ZFYVE16: variants seen among roughly 807,000 people sequenced by gnomAD.
The protein encoded by ZFYVE16 is zinc finger FYVE domain-containing protein 16.
Under a neutral mutation model 138.1 loss-of-function variants are expected in ZFYVE16, and 89 were observed. The observed-to-expected ratio is 0.64, with a 90% CI of 0.54 to 0.77. The LOEUF (loss-of-function observed/expected upper bound fraction) is 0.77. ZFYVE16 is among the 30% of genes least tolerant of loss of function. The pLI is 0.00. For synonymous variants in ZFYVE16, 596 were observed against 618.3 expected, an observed-to-expected ratio of 0.96 and a Z score of 0.53; for missense variants, 1,793 against 1,786.7, an observed-to-expected ratio of 1.00 and a Z score of -0.06.
chr5:80,443,081 A>G (rs2112411966), intron 5 of ZFYVE16, 42 bp from the exon 6 acceptor site: 1 of 1,480,676 alleles, frequency 6.8e-7, no homozygotes, highest in Non-Finnish European at 8.9e-7. Context: ...GTAAATTCCA[A>G]AAACATCTGA....
intron 1 of ZFYVE16, among the ~76,000 whole-genome samples, chr5:80,423,261 T>A (rs1747506911): frequency 6.6e-6 from 1 of 152,170 alleles, no homozygotes; most frequent in South Asian, 2.1e-4. Context: ...GCCGTTTATA[T>A]CATTTGAGGA....
chr5:80,469,265 G>GCTATT, intron 15 of ZFYVE16, among the ~76,000 whole-genome samples: 1 of 151,828 alleles, frequency 6.6e-6, no homozygotes, highest in East Asian at 1.9e-4. Context: ...ACCACACCTG[G>GCTATT]CTATTTTTTT....
At position 80,438,132 on chromosome 5, in the gene ZFYVE16, G is replaced by A; in HGVS notation, c.1447G>A (p.Gly483Arg). 6.2e-7 allele frequency: 1 copy of A among 1,613,896 alleles called. No homozygotes were observed. Among genetic ancestry groups the A allele is most frequent in the Non-Finnish European group, 8.5e-7 (1 of 1,179,946 alleles). ...TTCTACAGTTGTAGAATCTCAAGAGGGGCTTTCTGGCACTCATGTCCCAGA... is the reference window on the plus strand; with the variant it reads ...TTCTACAGTTGTAGAATCTCAAGAGAGGCTTTCTGGCACTCATGTCCCAGA... ...TSSTVVESQE[G>R]LSGTHVPESS... The change falls in exon 4 of 19, where the codon GGG becomes AGG. Residue 483 changes from glycine (G) to arginine (R), a missense_variant. By Grantham distance (125) the Gly-to-Arg change is moderately radical (BLOSUM62 -2). This residue lies in a region of ZFYVE16 where 1,295 missense variants were observed against 1,204.3 expected (regional missense o/e 1.08). Transcript: ENST00000505560.
chr5:80,421,858 T>A (rs1747244404), intron 1 of ZFYVE16, among the ~76,000 whole-genome samples: 1 of 152,200 alleles, frequency 6.6e-6, no homozygotes, highest in African/African-American at 2.4e-5. Flanking sequence ...TTGATGGGGA[T>A]GGCATTGAAT....
chr5:80,470,064 CGTGT>C (rs369109701), intron 15 of ZFYVE16, among the ~76,000 whole-genome samples: 3,233 of 59,480 alleles, frequency 0.054, 133 homozygotes, highest in Non-Finnish European at 0.075. Flanking sequence ...TGTATATATA[CGTGT>C]GTGTGTGTGT....
chr5:80,433,340 A>T (rs144657553), intron 2 of ZFYVE16, among the ~76,000 whole-genome samples: 1 of 152,198 alleles, frequency 6.6e-6, no homozygotes, highest in Non-Finnish European at 1.5e-5. Flanking sequence ...CGCAAGGACG[A>T]AAAACCAAAC....
chr5:80,474,577 G>C (rs1754704803), intron 17 of ZFYVE16, 86 bp from the exon 18 acceptor site: 1 of 1,320,430 alleles, frequency 7.6e-7, no homozygotes, highest in African/African-American at 1.5e-5. Flanking sequence ...ACTTACATTG[G>C]AATTTAATTA....
rs764465026 is a variant in ZFYVE16 at position 80,434,230 on chromosome 5, T to C, written c.70+13T>C. ...GAACAGAACCCAGGTTTGTTGATTT[T>C]CCATTTTTGCCGCTAATGGGATTTA... On this transcript the variant is annotated intron_variant, in intron 3 of 18. Coordinates refer to ENST00000505560, the MANE Select transcript of ZFYVE16 (RefSeq NM_001284236.3). 1 of 1,612,562 alleles carries C rather than the reference T, an allele frequency of 6.2e-7. No homozygotes were observed. Among genetic ancestry groups the C allele is most frequent in the South Asian group, 1.1e-5 (1 of 90,838 alleles).
intron 5 of ZFYVE16, 43 bp downstream of exon 5, chr5:80,440,075 A>T: frequency 6.4e-7 from 1 of 1,558,728 alleles, no homozygotes; most frequent in Non-Finnish European, 8.7e-7. Flanking sequence ...AATTGAATAT[A>T]TCTTAAAATT....
rs150782734 is a variant in ZFYVE16 at position 80,438,950 on chromosome 5, C to T, written c.2265C>T (p.Asn755=). 3.5e-4 allele frequency: 563 copies of T among 1,613,908 alleles called. 3 individuals are homozygous for T. The African/African-American group carries it at 6.6e-3, about 19-fold the overall frequency. ...ATTCAGAAGCTCCAAACTGTATGAA[C>T]TGCCAAGTCAAATTTACTTTTACCA... ...VPDSEAPNCM[N]CQVKFTFTKR... The change falls in exon 4 of 19, where the codon AAC becomes AAT. Residue 755 remains asparagine (N), a synonymous_variant. Coordinates refer to ENST00000505560, the MANE Select transcript of ZFYVE16 (RefSeq NM_001284236.3).
chr5:80,431,988 T>G (rs1379442248), intron 2 of ZFYVE16, among the ~76,000 whole-genome samples: 2 of 152,138 alleles, frequency 1.3e-5, no homozygotes, highest in Non-Finnish European at 2.9e-5. Context: ...AGAATCAATA[T>G]CGTGAAAATG....
At chr5:80,462,231 T>C (rs1471685514) in intron 15 of ZFYVE16, among the ~76,000 whole-genome samples, 1 of 152,202 alleles carries the variant, frequency 6.6e-6, no homozygotes, top group Non-Finnish European at 1.5e-5. Flanking sequence ...AAGAACTGCC[T>C]GAGACTGGGT....
rs1580366221 is a variant in ZFYVE16, at chr5:80,471,568, G to GT, written c.4025-1192dup. 9.2e-5 allele frequency among the ~76,000 whole-genome samples: 14 copies of GT among 152,190 alleles called. No homozygotes were observed. The East Asian group carries it at 2.7e-3, about 29-fold the overall frequency. On this transcript the variant is annotated intron_variant, in intron 15 of 18. Transcript: ENST00000505560. ...TTAATAATAAATGCTGGTATATCCA[G>GT]TGCATCGTTGGCACCACGGGACCAG...
In ZFYVE16 at chr5:80,451,534, CAGT is replaced by C. The variant is rs1479063239; in HGVS notation, c.3435_3437del (p.Ser1146del). 6.2e-7 allele frequency: 1 copy of C among 1,613,622 alleles called. No homozygotes were observed. Among genetic ancestry groups the C allele is most frequent in the African/African-American group, 1.3e-5 (1 of 74,902 alleles). ...ATATTACCTTTACTGAGAGTTTTCT[CAGT>C]AGCAAGGATCACGGAGGATTCCTGT... On this transcript the variant is annotated inframe_deletion, in exon 11 of 19. Transcript: ENST00000505560.
intron 1 of ZFYVE16, among the ~76,000 whole-genome samples, chr5:80,416,727 G>A (rs529217003): frequency 6.6e-6 from 1 of 152,040 alleles, no homozygotes; most frequent in South Asian, 2.1e-4. Flanking sequence ...AAGATGCTCT[G>A]TGCTCATTTT....
At chr5:80,443,341 C>A in intron 6 of ZFYVE16, 57 bp downstream of exon 6, 1 of 1,552,752 alleles carries the variant, frequency 6.4e-7, no homozygotes, top group South Asian at 1.2e-5. Flanking sequence ...TAGAAATTCT[C>A]TAATGTAGCC....
chr5:80,426,354 C>T (rs956594221), intron 1 of ZFYVE16, among the ~76,000 whole-genome samples: 4 of 151,336 alleles, frequency 2.6e-5, no homozygotes, highest in African/African-American at 4.9e-5. Context: ...CATAGGTAAA[C>T]GTGTGCCACG....
At chr5:80,434,325 C>T in intron 3 of ZFYVE16, 108 bp downstream of exon 3, 9 of 1,071,700 alleles carry the variant, frequency 8.4e-6, no homozygotes, top group South Asian at 4.5e-5. Context: ...ATTTTGGTCA[C>T]GTTATCTTCT....
intron 7 of ZFYVE16, among the ~76,000 whole-genome samples, chr5:80,447,535 T>C (rs542797473): frequency 1.1e-4 from 17 of 152,216 alleles, no homozygotes; most frequent in Non-Finnish European, 2.1e-4. Context: ...AAAGGCTTTA[T>C]TGAAATAGTC....
Sources: gnomAD v4.1 joint callset for allele counts (sites outside exome capture counted in the v4.1 genomes callset) on GRCh38, gnomAD v4.1.1 for gene constraint, gnomAD v4.1.1 regional missense constraint, MANE v1.5 for transcripts, NCBI Gene and HGNC (gene_info 2026-07-23, HGNC 2026-07-21) for gene names.